Variants in SCN10A observed in about 807,000 individuals in gnomAD.
The protein encoded by SCN10A is sodium channel protein type 10 subunit alpha.
In SCN10A, 162 loss-of-function variants were observed where a neutral mutation model predicts 170.7. That is an observed-to-expected ratio of 0.95 (90% CI 0.84 to 1.08). The LOEUF is 1.08. Ranked by LOEUF, SCN10A falls within the 50% of genes least tolerant of loss-of-function variation. The probability of loss-of-function intolerance (pLI) is 0.00; values close to 1 mark genes in which losing one functional copy is unlikely to be tolerated. For missense variants in SCN10A, 2,527 were observed against 2,436.9 expected, an observed-to-expected ratio of 1.04 and a Z score of -0.78; for synonymous variants, 985 against 904.6, an observed-to-expected ratio of 1.09 and a Z score of -1.59.
chr3:38,738,091 C>A (rs1020937484), intron 15 of SCN10A, among the ~76,000 whole-genome samples: 3 of 151,978 alleles, frequency 2.0e-5, no homozygotes, highest in Non-Finnish European at 4.4e-5. Context: ...CAGATGTGCA[C>A]CACCATGCCT....
At chr3:38,779,856 C>T (rs1451193237) in intron 4 of SCN10A, among the ~76,000 whole-genome samples, 2 of 151,754 alleles carry the variant, frequency 1.3e-5, no homozygotes, top group Non-Finnish European at 2.9e-5. Context: ...AACTCTATTT[C>T]ATTATGATCA....
At chr3:38,775,865 A>T (rs1360599157) in intron 4 of SCN10A, among the ~76,000 whole-genome samples, 1 of 152,118 alleles carries the variant, frequency 6.6e-6, no homozygotes, top group Non-Finnish European at 1.5e-5. Flanking sequence ...CTGGTTTTGT[A>T]TCTTACCAGC....
intron 4 of SCN10A, among the ~76,000 whole-genome samples, chr3:38,775,249 C>T (rs1319323133): frequency 6.6e-6 from 1 of 152,136 alleles, no homozygotes; most frequent in Non-Finnish European, 1.5e-5. Flanking sequence ...ACTCCCCATT[C>T]CCCCTCTCTG....
chr3:38,792,161 A>G lies in SCN10A; in HGVS notation c.278T>C (p.Met93Thr), dbSNP rs1286871655. Residue 93 changes from methionine (M) to threonine (T), a missense_variant, in exon 3 of 28, where the codon ATG becomes ACG. Transcript: ENST00000449082. ...DPFYSTHRTF[M>T]VLNKGRTISR... is the part of the protein sequence containing the mutation. ...AATGGTCCTCCCTTTGTTCAGCACCATAAATGTCTGAAACAAAACAAAACA... is the reference window on the plus strand; with the variant it reads ...AATGGTCCTCCCTTTGTTCAGCACCGTAAATGTCTGAAACAAAACAAAACA... 2 of 1,613,510 alleles carry G rather than the reference A, an allele frequency of 1.2e-6. No homozygotes were observed. Among genetic ancestry groups the G allele is most frequent in the South Asian group, 2.2e-5 (2 of 90,974 alleles).
At chr3:38,791,540 T>C (rs1239007833) in intron 3 of SCN10A, among the ~76,000 whole-genome samples, 4 of 152,226 alleles carry the variant, frequency 2.6e-5, no homozygotes, top group Non-Finnish European at 5.9e-5. Context: ...AGACTATGTG[T>C]GCTCTTCCCA....
intron 1 of SCN10A, among the ~76,000 whole-genome samples, chr3:38,795,051 G>T (rs907069458): frequency 1.3e-4 from 20 of 151,830 alleles, no homozygotes; most frequent in African/African-American, 3.1e-4. Flanking sequence ...CTCCTTGTCT[G>T]CCAGCTCTTT....
chr3:38,747,920 C>T (rs2063708201), intron 13 of SCN10A, among the ~76,000 whole-genome samples: 1 of 152,056 alleles, frequency 6.6e-6, no homozygotes, highest in African/African-American at 2.4e-5. Context: ...AATATCTATT[C>T]ATCTTTCATG....
Position 38,697,813 on chromosome 3 carries a change from T to G in SCN10A, c.5407A>C (p.Ile1803Leu). Residue 1803 changes from isoleucine (I) to leucine (L), a missense_variant, in exon 28 of 28, where the codon ATC becomes CTC. Ile to Leu is a conservative substitution (Grantham distance 5). Transcript: ENST00000449082. ...VPGDKIHCLD[I>L]LFAFTKNVLG... ...ACATTCTTGGTGAAAGCAAAAAGGA[T>G]GTCCAAGCAGTGGATCTTATCTCCA... 3 of 1,614,172 alleles carry G rather than the reference T, an allele frequency of 1.9e-6. No homozygotes were observed. The highest frequency in any genetic ancestry group is 2.5e-6 in the Non-Finnish European group (3 of 1,180,036).
intron 14 of SCN10A, 149 bp downstream of exon 14, chr3:38,742,142 G>A (rs2063638687): frequency 4.8e-6 from 3 of 629,178 alleles, no homozygotes; most frequent in Non-Finnish European, 8.5e-6. Context: ...GTGTCCACAT[G>A]TCTCCTGCAC....
At chr3:38,803,428 A>C (rs2064385594) in intron 1 of SCN10A, among the ~76,000 whole-genome samples, 1 of 152,158 alleles carries the variant, frequency 6.6e-6, no homozygotes, top group Non-Finnish European at 1.5e-5. Context: ...AGACTGGATT[A>C]AGAAAATGTG....
At chr3:38,813,303 T>C (rs952953603) in intron 1 of SCN10A, among the ~76,000 whole-genome samples, 6 of 152,316 alleles carry the variant, frequency 3.9e-5, no homozygotes, top group African/African-American at 1.4e-4. Flanking sequence ...GACTCCCTCT[T>C]GTCACCTCAC....
Position 38,697,280 on chromosome 3 carries a change from A to C in SCN10A, c.*69T>G, listed in dbSNP as rs945375119. 2.4e-5 allele frequency: 37 copies of C among 1,566,602 alleles called. No individual in the cohort carries two copies. Among genetic ancestry groups the C allele is most frequent in the Admixed American group, 3.5e-5 (2 of 56,978 alleles). On this transcript the variant is annotated 3_prime_UTR_variant, in exon 28 of 28. Transcript: ENST00000449082. Reference sequence around the variant, plus strand: ...AGGCTGTAGCTGGGTGTGATCTGCAATGGGAAAGAGTTAACACAGAGCAGA... The same window carrying C: ...AGGCTGTAGCTGGGTGTGATCTGCACTGGGAAAGAGTTAACACAGAGCAGA...
In SCN10A at chr3:38,725,228, A is replaced by T. The variant is rs149136109; in HGVS notation, c.3174T>A (p.Ala1058=). ...CTTTCCACGTCTCACCCAGGGATGGAGCCAGGTCCTCAGAAGATGTTCCAG... is the reference window on the plus strand; with the variant it reads ...CTTTCCACGTCTCACCCAGGGATGGTGCCAGGTCCTCAGAAGATGTTCCAG... ...PGTGTSSEDL[A]PSLGETWKDE... Residue 1058 remains alanine (A), a synonymous_variant, in exon 18 of 28, where the codon GCT becomes GCA. Transcript: ENST00000449082. 16 of 1,606,882 alleles carry T rather than the reference A, an allele frequency of 1.0e-5. No homozygotes were observed. The highest frequency in any genetic ancestry group is 1.3e-5 in the African/African-American group (1 of 74,798).
intron 4 of SCN10A, among the ~76,000 whole-genome samples, chr3:38,775,802 A>G (rs563942887): frequency 2.0e-5 from 3 of 152,146 alleles, no homozygotes; most frequent in Non-Finnish European, 4.4e-5. Context: ...GAATTATACC[A>G]ATTGTTTTTC....
At position 38,752,401 on chromosome 3, in the gene SCN10A, C is replaced by T. The variant is rs767026353; in HGVS notation, c.1573G>A (p.Val525Ile). Residue 525 changes from valine (V) to isoleucine (I), a missense_variant, in exon 12 of 28, where the codon GTC becomes ATC. By Grantham distance (29) the Val-to-Ile change is conservative. Transcript: ENST00000449082. ...SLPEGVTDDG[V>I]FPGDHESHRG... ...TGGCTTTCGTGGTCTCCAGGAAAGACTCCATCATCTGTGACTCCCTCAGGG... is the reference window on the plus strand; with the variant it reads ...TGGCTTTCGTGGTCTCCAGGAAAGATTCCATCATCTGTGACTCCCTCAGGG... 7 of 1,613,954 alleles carry T rather than the reference C, an allele frequency of 4.3e-6. No individual in the cohort carries two copies. The Admixed American group carries it at 1.0e-4, about 23-fold the overall frequency.
At chr3:38,734,859 T>C (rs532389161) in intron 15 of SCN10A, among the ~76,000 whole-genome samples, 1 of 152,284 alleles carries the variant, frequency 6.6e-6, no homozygotes, top group South Asian at 2.1e-4. Context: ...AAGAACCTAA[T>C]GGCATAAGGA....
intron 22 of SCN10A, among the ~76,000 whole-genome samples, chr3:38,712,864 A>G (rs1481694152): frequency 2.0e-5 from 3 of 152,238 alleles, no homozygotes; most frequent in Non-Finnish European, 4.4e-5. Context: ...ACCTAAATCC[A>G]TATTCACAAA....
intron 1 of SCN10A, among the ~76,000 whole-genome samples, chr3:38,798,588 TGAG>T (rs2064353939): frequency 6.6e-6 from 1 of 152,162 alleles, no homozygotes; most frequent in African/African-American, 2.4e-5. Context: ...GATTAATGGC[TGAG>T]GAGGAGACAA....
chr3:38,706,810 T>C (rs1454539555), intron 26 of SCN10A, among the ~76,000 whole-genome samples: 2 of 152,200 alleles, frequency 1.3e-5, no homozygotes, highest in African/African-American at 2.4e-5. Context: ...ACCACTACCA[T>C]GACTGCATCT....
Sources: allele counts gnomAD v4.1 joint callset (sites outside exome capture counted in the v4.1 genomes callset), GRCh38; gene constraint gnomAD v4.1.1; transcripts MANE v1.5; gene names NCBI Gene and HGNC (gene_info 2026-07-23, HGNC 2026-07-21).